The following CA2 variants were observed in gnomAD, a reference collection of about 807,000 sequenced individuals.
The protein encoded by CA2 is carbonate dehydratase II.
Under a neutral mutation model 27.8 loss-of-function variants are expected in CA2, and 23 were observed. The ratio of observed to expected loss-of-function variants is 0.83; its 90% CI spans 0.59 to 1.17. The LOEUF (loss-of-function observed/expected upper bound fraction) is 1.17, where lower values mean the gene tolerates loss of function less well. Ranked by LOEUF, CA2 falls within the 50% of genes most tolerant of loss-of-function variation. The probability of loss-of-function intolerance (pLI) is 0.00; values close to 1 mark genes in which losing one functional copy is unlikely to be tolerated. For missense variants in CA2, 300 were observed against 314.7 expected (o/e 0.95, Z 0.35); for synonymous variants, 99 against 114.9 (o/e 0.86, Z 0.88).
chr8:85,471,891 T>A (rs1283127296), intron 2 of CA2, among the ~76,000 whole-genome samples: 1 of 152,220 alleles, frequency 6.6e-6, no homozygotes, highest in Non-Finnish European at 1.5e-5. Flanking sequence ...TGTAATAAGT[T>A]GTTTTTGTGT....
At position 85,477,127 on chromosome 8, in the gene CA2, G is replaced by A. The variant is rs1305877741; in HGVS notation, c.515G>A (p.Ser172Asn). The change falls in exon 6 of 7, where the codon AGT becomes AAT. Residue 172 changes from serine (S) to asparagine (N), a missense_variant. Coordinates refer to ENST00000285379, the MANE Select transcript of CA2 (RefSeq NM_000067.3). The part of the protein sequence containing the change: ...VLDSIKTKGK[S>N]ADFTNFDPRG... ...GTATTTGCCTTGTTCTAGGGCAAGA[G>A]TGCTGACTTCACTAACTTCGATCCT... 5 of 1,613,980 alleles carry A rather than the reference G, an allele frequency of 3.1e-6. No individual in the cohort carries two copies. In the South Asian group the frequency reaches 3.3e-5, roughly 11 times the overall value.
intron 3 of CA2, 71 bp from the exon 4 acceptor site, chr8:85,474,253 G>T (rs966978554): frequency 8.4e-6 from 9 of 1,074,616 alleles, no homozygotes; most frequent in African/African-American, 1.6e-5. Flanking sequence ...GTGAGAAAAA[G>T]ACCATTGAAT....
At chr8:85,470,122 T>C (rs80013052) in intron 2 of CA2, among the ~76,000 whole-genome samples, 3,389 of 152,278 alleles carry the variant, frequency 0.022, 130 homozygotes, top group African/African-American at 0.076. Context: ...TTTACTCCTA[T>C]ATAATTGCCA....
At position 85,474,317 on chromosome 8, in the gene CA2, G is replaced by A; in HGVS notation, c.352-7G>A. ...CACTCACTGTGGCTTTGTCTCTTCGGCCTTAGCTTCACTTGGTTCACTGGA... is the reference window on the plus strand; with the variant it reads ...CACTCACTGTGGCTTTGTCTCTTCGACCTTAGCTTCACTTGGTTCACTGGA... On this transcript the variant is annotated splice_region_variant and splice_polypyrimidine_tract_variant and intron_variant, in intron 3 of 6. Transcript: ENST00000285379. 6.2e-7 allele frequency: 1 copy of A among 1,610,904 alleles called. No individual in the cohort carries two copies. Among genetic ancestry groups the A allele is most frequent in the Non-Finnish European group, 8.5e-7 (1 of 1,177,114 alleles).
chr8:85,474,364 G>A lies in CA2; in HGVS notation c.392G>A (p.Gly131Glu). The A allele has an allele frequency of 6.2e-7, 1 of 1,614,092 alleles. No individual in the cohort carries two copies. Among genetic ancestry groups the A allele is most frequent in the Non-Finnish European group, 8.5e-7 (1 of 1,179,986 alleles). Reference sequence around the variant, plus strand: ...TGGAACACCAAATATGGGGATTTTGGGAAAGCTGTGCAGCAACCTGATGGA... The same window carrying A: ...TGGAACACCAAATATGGGGATTTTGAGAAAGCTGTGCAGCAACCTGATGGA... ...VHWNTKYGDF[G>E]KAVQQPDGLA... Residue 131 changes from glycine to glutamate, a missense_variant, in exon 4 of 7, where the codon GGG becomes GAG. Coordinates refer to ENST00000285379, the MANE Select transcript of CA2 (RefSeq NM_000067.3).
chr8:85,473,565 A>G (rs1811740142), intron 2 of CA2, 128 bp from the exon 3 acceptor site: 2 of 702,520 alleles, frequency 2.8e-6, no homozygotes, highest in Admixed American at 4.1e-5. Flanking sequence ...GTACTGTAAA[A>G]CAGAATTAAG....
intron 5 of CA2, 110 bp from the exon 6 acceptor site, chr8:85,477,010 G>A: frequency 3.0e-6 from 3 of 999,384 alleles, no homozygotes; most frequent in South Asian, 1.3e-5. Flanking sequence ...TTTTTAAAAA[G>A]TGTTTTTGAC....
chr8:85,476,866 A>G (rs943558149), intron 5 of CA2, among the ~76,000 whole-genome samples: 3 of 152,150 alleles, frequency 2.0e-5, no homozygotes, highest in Admixed American at 1.3e-4. Context: ...CATTTTAGAT[A>G]AAAGGCCAAG....
intron 3 of CA2, 140 bp from the exon 4 acceptor site, chr8:85,474,184 G>C: frequency 1.3e-6 from 1 of 745,404 alleles, no homozygotes; most frequent in Non-Finnish European, 2.4e-6. Flanking sequence ...GAATTAAAAT[G>C]AAAGGAAAAT....
Position 85,477,335 on chromosome 8 carries a change from T to C in CA2, c.663+60T>C. 3 of 1,595,140 alleles carry C rather than the reference T, an allele frequency of 1.9e-6. No individual in the cohort carries two copies. In the East Asian group the frequency reaches 6.7e-5, roughly 36 times the overall value. ...GAGCATTTAGTCAAGGCAGAAGACC[T>C]TGGCCTCCAGAGTGAGAGAGAACTG... On this transcript the variant is annotated intron_variant, in intron 6 of 6. Coordinates refer to ENST00000285379, the MANE Select transcript of CA2 (RefSeq NM_000067.3).
At chr8:85,464,955 C>A in intron 1 of CA2, 1 of 294,664 alleles carries the variant, frequency 3.4e-6, no homozygotes, top group South Asian at 4.1e-5. Context: ...TAGTGTCTGC[C>A]CGATTTCAGT....
rs370549254 is a variant in CA2, at chr8:85,471,628, TTTAG to T, written c.233-2054_233-2051del. On this transcript the variant is annotated intron_variant, in intron 2 of 6. Coordinates refer to ENST00000285379, the MANE Select transcript of CA2 (RefSeq NM_000067.3). ...GGTTATCTCAGATTCTTAGTATGGT[TTTAG>T]TTAGTTAGTTTTACCACTTGGTAGA... 2.4e-4 allele frequency among the ~76,000 whole-genome samples: 36 copies of T among 152,220 alleles called. No homozygotes were observed. In the South Asian group the frequency reaches 3.5e-3, roughly 15 times the overall value.
At chr8:85,473,906 C>T (rs1016062255) in intron 3 of CA2, 95 bp downstream of exon 3, 6 of 808,556 alleles carry the variant, frequency 7.4e-6, no homozygotes, top group Admixed American at 7.1e-5. Flanking sequence ...ATTCAACTCA[C>T]GCCCAGTGAA....
intron 4 of CA2, 50 bp downstream of exon 4, chr8:85,474,466 A>T: frequency 7.8e-7 from 1 of 1,281,888 alleles, no homozygotes; most frequent in Non-Finnish European, 1.1e-6. Context: ...ATAAAGAATG[A>T]CCAGACAGAG....
intron 6 of CA2, among the ~76,000 whole-genome samples, chr8:85,479,179 C>A (rs1029362856): frequency 1.3e-5 from 2 of 152,126 alleles, no homozygotes; most frequent in Admixed American, 6.6e-5. Flanking sequence ...ATTTTCTATA[C>A]CCAGGCTCTG....
At chr8:85,477,022 A>G (rs1425075488) in intron 5 of CA2, 98 bp from the exon 6 acceptor site, 1 of 1,157,754 alleles carries the variant, frequency 8.6e-7, no homozygotes, top group East Asian at 2.4e-5. Context: ...GTTTTTGACC[A>G]TCAGAGGGGA....
chr8:85,466,738 T>A (rs1016178212), intron 2 of CA2, among the ~76,000 whole-genome samples: 1 of 152,048 alleles, frequency 6.6e-6, no homozygotes, highest in African/African-American at 2.4e-5. Flanking sequence ...TGGCATAGTA[T>A]GATGATTTAT....
chr8:85,471,641 T>G (rs1811714367), intron 2 of CA2, among the ~76,000 whole-genome samples: 1 of 152,124 alleles, frequency 6.6e-6, no homozygotes, highest in Non-Finnish European at 1.5e-5. Context: ...AGTTAGTTAG[T>G]TTTACCACTT....
At chr8:85,474,614 C>A in intron 4 of CA2, 198 bp downstream of exon 4, 1 of 604,692 alleles carries the variant, frequency 1.7e-6, no homozygotes. Context: ...AGGAGAGGTA[C>A]TTATTTGGTA....
Sources: allele counts gnomAD v4.1 joint callset (sites outside exome capture counted in the v4.1 genomes callset), GRCh38; gene constraint gnomAD v4.1.1; transcripts MANE v1.5; gene names NCBI Gene and HGNC (gene_info 2026-07-23, HGNC 2026-07-21).